The following SLC4A10 variants were observed in gnomAD, a reference collection of about 807,000 sequenced individuals.
SLC4A10 encodes sodium-driven chloride bicarbonate exchanger.
In SLC4A10, 42 loss-of-function variants were observed where a neutral mutation model predicts 137.7. The observed-to-expected ratio is 0.30, with a 90% CI of 0.24 to 0.39. The LOEUF (loss-of-function observed/expected upper bound fraction) is 0.39. Among genes scored for constraint, SLC4A10 ranks in the 10% least tolerant of loss-of-function variants. The pLI is 1.00. For missense variants in SLC4A10, 925 were observed against 1,355.0 expected, an observed-to-expected ratio of 0.68 and a Z score of 4.98; for synonymous variants, 474 against 464.1, an observed-to-expected ratio of 1.02 and a Z score of -0.27.
At chr2:161,940,106 C>T (rs1295308082) in intron 15 of SLC4A10, among the ~76,000 whole-genome samples, 4 of 152,098 alleles carry the variant, frequency 2.6e-5, no homozygotes, top group Non-Finnish European at 5.9e-5. Flanking sequence ...AATGAAGAAA[C>T]ATTTATTCCA....
intron 1 of SLC4A10, among the ~76,000 whole-genome samples, chr2:161,672,794 A>G (rs901310076): frequency 2.6e-5 from 4 of 152,206 alleles, no homozygotes; most frequent in African/African-American, 9.6e-5. Context: ...GGAATATCCA[A>G]TTTATACTTC....
intron 3 of SLC4A10, among the ~76,000 whole-genome samples, chr2:161,821,215 G>A (rs531433236): frequency 4.7e-4 from 72 of 152,214 alleles, no homozygotes; most frequent in African/African-American, 1.7e-3. Context: ...TGTGGGTTCT[G>A]ATTTCACTCT....
intron 15 of SLC4A10, among the ~76,000 whole-genome samples, chr2:161,925,409 AT>A (rs1389378631): frequency 3.9e-5 from 6 of 151,976 alleles, no homozygotes; most frequent in African/African-American, 1.5e-4. Context: ...CCCCTTTATC[AT>A]TTTTTATTGT....
At chr2:161,866,408 T>C (rs2060752682) in intron 6 of SLC4A10, among the ~76,000 whole-genome samples, 1 of 152,024 alleles carries the variant, frequency 6.6e-6, no homozygotes, top group Non-Finnish European at 1.5e-5. Flanking sequence ...TTTGAATAAT[T>C]TTTTTCTTCG....
chr2:161,956,765 C>T (rs1695740460), intron 19 of SLC4A10, among the ~76,000 whole-genome samples: 1 of 152,138 alleles, frequency 6.6e-6, no homozygotes, highest in Non-Finnish European at 1.5e-5. Context: ...AATGACTATA[C>T]AGGGGAGCTT....
At chr2:161,848,472 G>T (rs1351255935) in intron 4 of SLC4A10, among the ~76,000 whole-genome samples, 6 of 152,066 alleles carry the variant, frequency 3.9e-5, no homozygotes, top group Non-Finnish European at 8.8e-5. Context: ...GTCCAGAATG[G>T]TATTTCCTGG....
At chr2:161,763,339 T>G (rs1187308001) in intron 1 of SLC4A10, among the ~76,000 whole-genome samples, 1 of 152,064 alleles carries the variant, frequency 6.6e-6, no homozygotes, top group Non-Finnish European at 1.5e-5. Context: ...ATGACACATG[T>G]GTATAGGTCA....
At chr2:161,884,956 T>A (rs1423251384) in intron 10 of SLC4A10, among the ~76,000 whole-genome samples, 1 of 152,154 alleles carries the variant, frequency 6.6e-6, no homozygotes, top group African/African-American at 2.4e-5. Flanking sequence ...GGTGGATGGA[T>A]CACCTGAAGT....
chr2:161,776,479 A>G (rs893435856), intron 2 of SLC4A10, among the ~76,000 whole-genome samples: 4 of 151,814 alleles, frequency 2.6e-5, no homozygotes, highest in African/African-American at 9.7e-5. Context: ...CATGACTGAC[A>G]TATTTTATTT....
chr2:161,632,583 A>G (rs1425235924), intron 1 of SLC4A10, among the ~76,000 whole-genome samples: 1 of 151,626 alleles, frequency 6.6e-6, no homozygotes, highest in Admixed American at 6.6e-5. Context: ...CAGAACACCT[A>G]TAGTAAATAT....
chr2:161,731,472 T>C (rs1283519119), intron 1 of SLC4A10, among the ~76,000 whole-genome samples: 1 of 152,068 alleles, frequency 6.6e-6, no homozygotes. Flanking sequence ...AGTAGTTACT[T>C]TTAGGGAGGA....
intron 1 of SLC4A10, among the ~76,000 whole-genome samples, chr2:161,761,370 G>A (rs961622250): frequency 5.9e-5 from 9 of 151,996 alleles, no homozygotes; most frequent in African/African-American, 1.9e-4. Flanking sequence ...GACAGATGGA[G>A]CCTTGTGATA....
chr2:161,839,437 A>G (rs2059035933), intron 3 of SLC4A10, among the ~76,000 whole-genome samples: 5 of 152,214 alleles, frequency 3.3e-5, no homozygotes, highest in South Asian at 2.1e-4. Flanking sequence ...AAAATATACC[A>G]TATATGATGA....
intron 1 of SLC4A10, among the ~76,000 whole-genome samples, chr2:161,650,529 T>A (rs2036643428): frequency 6.6e-6 from 1 of 151,666 alleles, no homozygotes; most frequent in East Asian, 2.0e-4. Context: ...TGTGTGCAGC[T>A]GCAGCAGCCT....
chr2:161,916,501 A>T (rs1006828746), intron 15 of SLC4A10, among the ~76,000 whole-genome samples: 5 of 152,218 alleles, frequency 3.3e-5, no homozygotes, highest in Admixed American at 1.3e-4. Flanking sequence ...AGCAAGAATT[A>T]TTCCTTCAAA....
chr2:161,734,884 G>A (rs1488523303), intron 1 of SLC4A10, among the ~76,000 whole-genome samples: 3 of 151,936 alleles, frequency 2.0e-5, no homozygotes, highest in Non-Finnish European at 4.4e-5. Flanking sequence ...TGGATCATGG[G>A]GGTGGTTTCC....
intron 1 of SLC4A10, among the ~76,000 whole-genome samples, chr2:161,699,618 G>A (rs1024718622): frequency 1.3e-5 from 2 of 152,156 alleles, no homozygotes; most frequent in Non-Finnish European, 1.5e-5. Context: ...AATTGTAAAT[G>A]AAAGACAAGA....
At chr2:161,872,133 T>C (rs2061167152) in intron 6 of SLC4A10, among the ~76,000 whole-genome samples, 160 bp from the exon 7 acceptor site, 1 of 152,192 alleles carries the variant, frequency 6.6e-6, no homozygotes, top group Non-Finnish European at 1.5e-5. Flanking sequence ...AATAAGAATG[T>C]TTGTATTAAT....
intron 1 of SLC4A10, among the ~76,000 whole-genome samples, chr2:161,658,185 G>A (rs949224638): frequency 3.3e-5 from 5 of 152,142 alleles, no homozygotes; most frequent in African/African-American, 9.7e-5. Flanking sequence ...TCTATTTTAT[G>A]AGTGCATTGA....
Sources: gnomAD v4.1 joint callset for allele counts (sites outside exome capture counted in the v4.1 genomes callset) on GRCh38, gnomAD v4.1.1 for gene constraint, MANE v1.5 for transcripts, NCBI Gene and HGNC (gene_info 2026-07-23, HGNC 2026-07-21) for gene names.